The following PXDNL variants were observed in gnomAD, a reference collection of about 807,000 sequenced individuals.
PXDNL encodes the protein peroxidasin like, also known as probable oxidoreductase PXDNL.
Under a neutral mutation model 150.8 loss-of-function variants are expected in PXDNL, and 145 were observed. The ratio of observed to expected loss-of-function variants is 0.96; its 90% CI spans 0.84 to 1.10. The LOEUF (loss-of-function observed/expected upper bound fraction) is 1.10. PXDNL is among the 50% of genes least tolerant of loss of function. The probability of loss-of-function intolerance (pLI) is 0.00; values close to 1 mark genes in which losing one functional copy is unlikely to be tolerated. For missense variants in PXDNL, 2,087 were observed against 1,873.9 expected, an observed-to-expected ratio of 1.11 and a Z score of -2.10; for synonymous variants, 757 against 725.7, an observed-to-expected ratio of 1.04 and a Z score of -0.69.
chr8:51,695,200 C>T (rs2130869226), intron 1 of PXDNL, among the ~76,000 whole-genome samples: 1 of 152,252 alleles, frequency 6.6e-6, no homozygotes. Flanking sequence ...CCTTTACTTC[C>T]CACTACCCCA....
intron 1 of PXDNL, among the ~76,000 whole-genome samples, chr8:51,801,203 A>C (rs1325328422): frequency 6.6e-6 from 1 of 152,108 alleles, no homozygotes; most frequent in East Asian, 1.9e-4. Flanking sequence ...TGTGGTTGAG[A>C]TAAGGACTGA....
chr8:51,565,465 T>C (rs1430294395), intron 3 of PXDNL, among the ~76,000 whole-genome samples: 1 of 151,844 alleles, frequency 6.6e-6, no homozygotes, highest in Admixed American at 6.6e-5. Context: ...TATCTGGTGA[T>C]GCCACTGCCC....
At position 51,596,208 on chromosome 8, in the gene PXDNL, T is replaced by C. The variant is rs78783482; in HGVS notation, c.237-3510A>G. 7.8e-3 allele frequency among the ~76,000 whole-genome samples: 1,191 copies of C among 152,308 alleles called. 10 individuals are homozygous for C. Among genetic ancestry groups the C allele is most frequent in the Non-Finnish European group, 0.01 (711 of 68,012 alleles). On this transcript the variant is annotated intron_variant, in intron 2 of 22. Transcript: ENST00000356297. Reference sequence around the variant, plus strand: ...GGATAATGACTTCCAGATGCATCCATGTTGTTGCAAGGAACATGATTTCAT... The same window carrying C: ...GGATAATGACTTCCAGATGCATCCACGTTGTTGCAAGGAACATGATTTCAT...
chr8:51,743,948 GAGAGAAAGAAAAAAGAGAGAGAAAA>G (rs1563306965), intron 1 of PXDNL, among the ~76,000 whole-genome samples: 175 of 20,994 alleles, frequency 8.3e-3, no homozygotes, highest in Middle Eastern at 0.053. Context: ...AGGAGAGAAA[GAGAGAAAGAAAAAAGAGAGAGAAAA>G]AAGAAAGGAA....
intron 17 of PXDNL, among the ~76,000 whole-genome samples, chr8:51,380,127 TA>T (rs60696948): frequency 0.023 from 3,497 of 149,606 alleles, 130 homozygotes; most frequent in African/African-American, 0.077. Context: ...GCTGACGAGC[TA>T]AAAAAAAAAA....
chr8:51,709,084 A>C (rs1816442615), intron 1 of PXDNL, among the ~76,000 whole-genome samples: 1 of 152,154 alleles, frequency 6.6e-6, no homozygotes, highest in Admixed American at 6.6e-5. Context: ...TTAGCAGATA[A>C]ATGTAGAAGT....
chr8:51,497,251 G>T (rs955031384), intron 5 of PXDNL, among the ~76,000 whole-genome samples: 11 of 152,254 alleles, frequency 7.2e-5, no homozygotes, highest in Non-Finnish European at 1.6e-4. Context: ...GCTGAAACTG[G>T]ATCCCTTCCT....
intron 21 of PXDNL, among the ~76,000 whole-genome samples, chr8:51,334,935 G>T (rs891139730): frequency 1.3e-5 from 2 of 152,144 alleles, no homozygotes. Context: ...CCTTACGTAT[G>T]TCATAACCTA....
At chr8:51,516,623 C>T (rs1811547690) in intron 4 of PXDNL, among the ~76,000 whole-genome samples, 1 of 152,158 alleles carries the variant, frequency 6.6e-6, no homozygotes, top group African/African-American at 2.4e-5. Flanking sequence ...CTAGAGAGTG[C>T]TATATTATTC....
At chr8:51,756,316 C>T (rs1466453127) in intron 1 of PXDNL, among the ~76,000 whole-genome samples, 1 of 150,470 alleles carries the variant, frequency 6.6e-6, no homozygotes, top group Non-Finnish European at 1.5e-5. Context: ...GGCTTCAGCT[C>T]AGCAGGCAGA....
At chr8:51,530,085 A>G (rs1811862645) in intron 4 of PXDNL, among the ~76,000 whole-genome samples, 1 of 152,226 alleles carries the variant, frequency 6.6e-6, no homozygotes, top group Admixed American at 6.5e-5. Context: ...TAAAGCAGAT[A>G]GACTATCAGA....
At chr8:51,415,064 G>A (rs1808759718) in intron 14 of PXDNL, among the ~76,000 whole-genome samples, 1 of 152,136 alleles carries the variant, frequency 6.6e-6, no homozygotes, top group African/African-American at 2.4e-5. Context: ...TTTGGCGGGG[G>A]GGAGATGGCA....
intron 19 of PXDNL, among the ~76,000 whole-genome samples, chr8:51,365,674 T>C (rs1416945731): frequency 6.6e-6 from 1 of 152,186 alleles, no homozygotes; most frequent in Non-Finnish European, 1.5e-5. Context: ...AAGAAACATG[T>C]GATCATGAGA....
At chr8:51,342,879 CAAAAAA>C (rs35948794) in intron 20 of PXDNL, among the ~76,000 whole-genome samples, 3 of 90,222 alleles carry the variant, frequency 3.3e-5, no homozygotes, top group African/African-American at 7.2e-5. Flanking sequence ...GATTAAGATT[CAAAAAA>C]AAAAAAAAAA....
intron 3 of PXDNL, among the ~76,000 whole-genome samples, chr8:51,566,751 C>G (rs1327184863): frequency 6.6e-6 from 1 of 150,932 alleles, no homozygotes; most frequent in Non-Finnish European, 1.5e-5. Context: ...TCACTTTTGT[C>G]AAATTTCTGT....
At chr8:51,385,382 A>G (rs771662236) in intron 17 of PXDNL, among the ~76,000 whole-genome samples, 3 of 152,108 alleles carry the variant, frequency 2.0e-5, no homozygotes, top group Non-Finnish European at 4.4e-5. Context: ...ATTAAATGTT[A>G]TGTTTACACA....
At position 51,578,853 on chromosome 8, in the gene PXDNL, T is replaced by G. The variant is rs899028583; in HGVS notation, c.308+13774A>C. ...TGACAAAGGTGCAGAAGCAATTCAG[T>G]GGAGGAAAGAAAGCATCTTAACAAC... is the stretch of plus-strand genomic sequence containing the variant. On this transcript the variant is annotated intron_variant, in intron 3 of 22. Coordinates refer to ENST00000356297, the MANE Select transcript of PXDNL (RefSeq NM_144651.5). Among the ~76,000 whole-genome samples, 9 of 152,004 alleles carry G rather than the reference T, an allele frequency of 5.9e-5. No individual in the cohort carries two copies. In the East Asian group the frequency reaches 1.7e-3, roughly 30 times the overall value.
chr8:51,611,518 T>G (rs1240769741), intron 2 of PXDNL, among the ~76,000 whole-genome samples: 2 of 152,236 alleles, frequency 1.3e-5, no homozygotes, highest in East Asian at 3.8e-4. Context: ...TGACAAAGCT[T>G]CTGCCTTCAA....
intron 3 of PXDNL, among the ~76,000 whole-genome samples, chr8:51,582,845 T>TA: frequency 6.6e-6 from 1 of 152,222 alleles, no homozygotes; most frequent in Non-Finnish European, 1.5e-5. Flanking sequence ...TTATACTCTA[T>TA]ACTGGCATAA....
Sources: gnomAD v4.1 joint callset for allele counts (sites outside exome capture counted in the v4.1 genomes callset) on GRCh38, gnomAD v4.1.1 for gene constraint, MANE v1.5 for transcripts, NCBI Gene and HGNC (gene_info 2026-07-23, HGNC 2026-07-21) for gene names.